TMEM63A: variants seen among roughly 807,000 people sequenced by gnomAD.
The protein encoded by TMEM63A is mechanosensitive cation channel TMEM63A.
Under a neutral mutation model 100.6 loss-of-function variants are expected in TMEM63A, and 76 were observed. The observed-to-expected ratio is 0.76, with a 90% CI of 0.63 to 0.91. The LOEUF is 0.91. Ranked by LOEUF, TMEM63A falls within the 40% of genes least tolerant of loss-of-function variation. The probability of loss-of-function intolerance (pLI) is 0.00; values close to 1 mark genes in which losing one functional copy is unlikely to be tolerated. For missense variants in TMEM63A, 876 were observed against 1,008.8 expected (o/e 0.87, Z 1.78); for synonymous variants, 401 against 401.1 (o/e 1.00, Z 0.00).
In TMEM63A at chr1:225,881,143, T is replaced by C. The variant is rs376121201; in HGVS notation, c.-206+1161A>G. Among the ~76,000 whole-genome samples, 281 of 152,228 alleles carry C rather than the reference T, an allele frequency of 1.8e-3. 1 individual carries two copies. Among genetic ancestry groups the C allele is most frequent in the African/African-American group, 6.1e-3 (254 of 41,524 alleles). Reference sequence around the variant, plus strand: ...CTGGACAACTGTTTACCTCCTACCCTGGAGCACAAAGGAAATGACACAGCC... The same window carrying C: ...CTGGACAACTGTTTACCTCCTACCCCGGAGCACAAAGGAAATGACACAGCC... On this transcript the variant is annotated intron_variant, in intron 1 of 24. Transcript: ENST00000366835.
chr1:225,874,180 C>A (rs1670657985), intron 4 of TMEM63A, 108 bp downstream of exon 4: 1 of 1,112,868 alleles, frequency 9.0e-7, no homozygotes, highest in East Asian at 2.5e-5. Context: ...CACACACACA[C>A]ACACTATACA....
downstream of TMEM63A, chr1:225,844,766 C>G: frequency 7.3e-7 from 1 of 1,374,216 alleles, no homozygotes; most frequent in Non-Finnish European, 9.9e-7. Flanking sequence ...GATGGGAACA[C>G]TAAAGGTCGA....
chr1:225,864,269 G>A (rs1486451388), intron 10 of TMEM63A: 3 of 152,226 alleles, frequency 2.0e-5, no homozygotes, highest in African/African-American at 7.2e-5. Context: ...CTAGGTGCTG[G>A]TAACAGGGCC....
rs1013180215 is a variant in TMEM63A at position 225,853,933 on chromosome 1, T to C, written c.1635-142A>G. On this transcript the variant is annotated intron_variant, in intron 18 of 24. Transcript: ENST00000366835. The surrounding 1 kb of genome is among the most constrained non-coding windows in gnomAD (Gnocchi z 4.0). ...ATTCAGCACATATTTGGGAAACACA[T>C]CTGTGTGCCAAGCACCTTTCTAGGC... The C allele has an allele frequency of 6.1e-6, 5 of 821,756 alleles. No individual in the cohort carries two copies. The highest frequency in any genetic ancestry group is 3.3e-5 in the Admixed American group (1 of 30,618). 50.9% of individuals were successfully genotyped at this position (821,756 alleles called of 1,614,324 possible). A position where few individuals can be genotyped will look rare whatever the true frequency, so the allele number is the denominator to read the frequency against.
downstream of TMEM63A, among the ~76,000 whole-genome samples, chr1:225,843,040 G>A (rs1386243829): frequency 6.6e-6 from 1 of 152,196 alleles, no homozygotes; most frequent in African/African-American, 2.4e-5. Context: ...ACAGTGCTGG[G>A]GATGGGAAAG....
In TMEM63A at chr1:225,862,159, GT is replaced by G. The variant is rs551275121; in HGVS notation, c.1085+58del. ...CATCTCCACTCGAGAGGGACAGTGAGTTATCTGGAGGGGAACAGGGAGTCAG... is the reference window on the plus strand; with the variant it reads ...CATCTCCACTCGAGAGGGACAGTGAGTATCTGGAGGGGAACAGGGAGTCAG... On this transcript the variant is annotated intron_variant, in intron 13 of 24. Coordinates refer to ENST00000366835, the MANE Select transcript of TMEM63A (RefSeq NM_014698.3). The surrounding 1 kb of genome is among the most constrained non-coding windows in gnomAD (Gnocchi z 5.1). 2.7e-4 allele frequency: 438 copies of G among 1,601,986 alleles called. 2 individuals are homozygous for G. In the African/African-American group the frequency reaches 5.1e-3, roughly 19 times the overall value.
At chr1:225,871,042 AG>A in intron 6 of TMEM63A, 33 bp downstream of exon 6, 1 of 1,612,170 alleles carries the variant, frequency 6.2e-7, no homozygotes, top group South Asian at 1.1e-5. Context: ...ACCAGCCCAA[AG>A]GCCCCCCAGC....
chr1:225,873,418 G>A (rs1670618916), intron 4 of TMEM63A, among the ~76,000 whole-genome samples: 1 of 152,142 alleles, frequency 6.6e-6, no homozygotes, highest in African/African-American at 2.4e-5. Flanking sequence ...GGACCCTGCC[G>A]CACAGGCCAC....
At chr1:225,847,560 C>T (rs1669083839) in intron 23 of TMEM63A, 1 of 186,038 alleles carries the variant, frequency 5.4e-6, no homozygotes, top group Non-Finnish European at 1.1e-5. Flanking sequence ...TAGAACGCTG[C>T]CCTGGGACCC....
At position 225,862,073 on chromosome 1, in the gene TMEM63A, T is replaced by C; in HGVS notation, c.1085+145A>G. The stretch of plus-strand genomic sequence containing the variant: ...TGGGCTGGCTGAAAGTGAGTGTGGG[T>C]AGCTGAGGGAGGAGAAGGAAACACC... On this transcript the variant is annotated intron_variant, in intron 13 of 24. Coordinates refer to ENST00000366835, the MANE Select transcript of TMEM63A (RefSeq NM_014698.3). The surrounding 1 kb of genome is among the most constrained non-coding windows in gnomAD (Gnocchi z 5.1). 8.0e-7 allele frequency: 1 copy of C among 1,256,008 alleles called. No individual in the cohort carries two copies. Among genetic ancestry groups the C allele is most frequent in the Non-Finnish European group, 1.1e-6 (1 of 918,666 alleles). 77.8% of individuals were successfully genotyped at this position (1,256,008 alleles called of 1,614,324 possible).
intron 3 of TMEM63A, among the ~76,000 whole-genome samples, 165 bp downstream of exon 3, chr1:225,877,219 AAGGGGAGGTGC>A (rs1289375798): frequency 6.6e-6 from 1 of 152,198 alleles, no homozygotes; most frequent in Non-Finnish European, 1.5e-5. Context: ...CCGGAGCAGA[AAGGGGAGGTGC>A]ACAGAAGCTA....
At chr1:225,874,415 A>T (rs369729713) in intron 3 of TMEM63A, 48 bp from the exon 4 acceptor site, 1 of 1,546,240 alleles carries the variant, frequency 6.5e-7, no homozygotes, top group South Asian at 1.1e-5. Flanking sequence ...ATGGCTTCTC[A>T]TTAGAAGACA....
chr1:225,843,046 G>A (rs962808461), downstream of TMEM63A, among the ~76,000 whole-genome samples: 2 of 152,222 alleles, frequency 1.3e-5, no homozygotes, highest in Non-Finnish European at 2.9e-5. Flanking sequence ...CTGGGGATGG[G>A]AAAGACAGTA....
chr1:225,849,575 T>C (rs1231956298), intron 21 of TMEM63A, among the ~76,000 whole-genome samples: 2 of 152,180 alleles, frequency 1.3e-5, no homozygotes, highest in Non-Finnish European at 2.9e-5. Context: ...TATGGGACAA[T>C]TGACCAGGCC....
In TMEM63A at chr1:225,849,896, C is replaced by G; in HGVS notation, c.2071+16G>C. On this transcript the variant is annotated intron_variant, in intron 21 of 24. Transcript: ENST00000366835. The stretch of plus-strand genomic sequence containing the variant: ...GGGAGGCCAAGGGCTGGCCCCAGGT[C>G]AGAAGGGCTGCTCACCCAGGCGCAG... 1 of 1,612,536 alleles carries G rather than the reference C, an allele frequency of 6.2e-7. No homozygotes were observed. The highest frequency in any genetic ancestry group is 8.5e-7 in the Non-Finnish European group (1 of 1,179,250).
Position 225,848,627 on chromosome 1 carries a change from A to C in TMEM63A, c.2188-73T>G, listed in dbSNP as rs111887511. On this transcript the variant is annotated intron_variant, in intron 22 of 24. Transcript: ENST00000366835. ...GTGAACAAACACCCTCCAAACACAC[A>C]GACTATTAACACCCGGAATAATAGT... 1.0e-5 allele frequency: 15 copies of C among 1,503,506 alleles called. No individual in the cohort carries two copies. In the African/African-American group the frequency reaches 1.1e-4, roughly 11 times the overall value. 93.1% of individuals were successfully genotyped at this position (1,503,506 alleles called of 1,614,324 possible).
chr1:225,845,583 A>C lies in TMEM63A; in HGVS notation c.*1356T>G. On this transcript the variant is annotated 3_prime_UTR_variant, in exon 25 of 25. Coordinates refer to ENST00000366835, the MANE Select transcript of TMEM63A (RefSeq NM_014698.3). ...CTAAAAGCGGCTGGAACTCAGTGAC[A>C]TGAGCGTGCGCTGACCCCACATGGG... is the stretch of plus-strand genomic sequence containing the variant. The C allele has an allele frequency of 3.4e-6, 2 of 586,306 alleles. No individual in the cohort carries two copies. Among genetic ancestry groups the C allele is most frequent in the Non-Finnish European group, 6.1e-6 (2 of 329,194 alleles). 36.3% of individuals were successfully genotyped at this position (586,306 alleles called of 1,614,324 possible).
At chr1:225,844,023 A>G (rs1021669537), downstream of TMEM63A, among the ~76,000 whole-genome samples, 55 of 152,250 alleles carry the variant, frequency 3.6e-4, no homozygotes, top group Non-Finnish European at 2.9e-5. Flanking sequence ...TGCATCCTGG[A>G]CCCAAGCTGG....
downstream of TMEM63A, among the ~76,000 whole-genome samples, chr1:225,844,290 TAA>T (rs969923543): frequency 6.6e-6 from 1 of 151,852 alleles, no homozygotes; most frequent in African/African-American, 2.4e-5. Context: ...CTTGGGGTGA[TAA>T]GAGACACTTC....
Sources: allele counts gnomAD v4.1 joint callset (sites outside exome capture counted in the v4.1 genomes callset), GRCh38; gene constraint gnomAD v4.1.1; non-coding constraint Gnocchi (gnomAD v3.1); transcripts MANE v1.5; gene names NCBI Gene and HGNC (gene_info 2026-07-23, HGNC 2026-07-21).